EEF2: variants seen among roughly 807,000 people sequenced by gnomAD.
EEF2 encodes the protein eukaryotic translation elongation factor 2, also known as elongation factor 2.
Under a neutral mutation model 85.3 loss-of-function variants are expected in EEF2, and 21 were observed. The observed-to-expected ratio is 0.25, with a 90% CI of 0.17 to 0.35. EEF2 has a LOEUF of 0.35. EEF2 is among the 10% of genes least tolerant of loss of function. The pLI is 1.00. For synonymous variants in EEF2, 723 were observed against 508.8 expected (o/e 1.42, Z -5.67); for missense variants, 825 against 1,225.3 (o/e 0.67, Z 4.88).
rs192703161 is a variant in EEF2, at chr19:3,984,339, C to T, written c.15G>A (p.Thr5=). 25 of 1,614,064 alleles carry T rather than the reference C, an allele frequency of 1.5e-5. No homozygotes were observed. The Admixed American group carries it at 2.7e-4, about 17-fold the overall frequency. The change falls in exon 2 of 15, where the codon ACG becomes ACA. Residue 5 remains threonine (T), a synonymous_variant. Transcript: ENST00000309311. The part of the protein sequence containing the change: MVNF[T]VDQIRAIMDK... ...CCATGATGGCGCGGATCTGGTCTAC[C>T]GTGAAGTTCACCTGGGCAAGACAAG...
rs768079031 is a variant in EEF2, at chr19:3,984,363, A to C, written c.4-13T>G. The C allele has an allele frequency of 6.2e-7, 1 of 1,613,086 alleles. No individual in the cohort carries two copies. The highest frequency in any genetic ancestry group is 8.5e-7 in the Non-Finnish European group (1 of 1,179,136). On this transcript the variant is annotated splice_polypyrimidine_tract_variant and intron_variant, in intron 1 of 14. Transcript: ENST00000309311. The stretch of plus-strand genomic sequence containing the variant: ...CCGTGAAGTTCACCTGGGCAAGACA[A>C]GGAGGCTCAGACCAGCTCGTGATTT...
Position 3,985,396 on chromosome 19 carries a change from T to A in EEF2, c.-16A>T. The A allele has an allele frequency of 6.6e-7, 1 of 1,510,720 alleles. No homozygotes were observed. Among genetic ancestry groups the A allele is most frequent in the Non-Finnish European group, 8.9e-7 (1 of 1,126,474 alleles). 93.6% of individuals were successfully genotyped at this position (1,510,720 alleles called of 1,614,324 possible). A position where few individuals can be genotyped will look rare whatever the true frequency, so the allele number is the denominator to read the frequency against. The stretch of plus-strand genomic sequence containing the variant: ...TACTCACCATGGTGGCGGATGGCGG[T>A]GGATTCTCCCAGGTAGAACCGAAAG... On this transcript the variant is annotated 5_prime_UTR_variant, in exon 1 of 15. Transcript: ENST00000309311.
chr19:3,977,939 G>C lies in EEF2; in HGVS notation c.1947C>G (p.Ile649Met), dbSNP rs2039697652. 2 of 1,613,460 alleles carry C rather than the reference G, an allele frequency of 1.2e-6. No individual in the cohort carries two copies. Among genetic ancestry groups the C allele is most frequent in the African/African-American group, 1.3e-5 (1 of 74,936 alleles). The change falls in exon 12 of 15, where the codon ATC becomes ATG. Residue 649 changes from isoleucine (I) to methionine (M), a missense_variant. Physicochemically the swap from Ile to Met is conservative, Grantham distance 10 (BLOSUM62 1). Coordinates refer to ENST00000309311, the MANE Select transcript of EEF2 (RefSeq NM_001961.4). This position sits in a 1 kb window ranked among gnomAD's most constrained non-coding sequence, Gnocchi z 5.4. ...YEWDVAEARK[I>M]WCFGPDGTGP... Reference sequence around the variant, plus strand: ...CGGTGCCGTCGGGCCCAAAGCACCAGATCTTGCGGGCCTCAGCCACGTCCC... The same window carrying C: ...CGGTGCCGTCGGGCCCAAAGCACCACATCTTGCGGGCCTCAGCCACGTCCC...
chr19:3,978,695 C>G (rs985498625), intron 11 of EEF2, among the ~76,000 whole-genome samples: 1 of 147,616 alleles, frequency 6.8e-6, no homozygotes, highest in Non-Finnish European at 1.5e-5. Flanking sequence ...GTCCCAGCTA[C>G]AGGAGGCTGA....
chr19:3,983,452 C>T (rs930953874), intron 2 of EEF2, among the ~76,000 whole-genome samples, 161 bp from the exon 3 acceptor site: 8 of 152,068 alleles, frequency 5.3e-5, no homozygotes, highest in Admixed American at 4.6e-4. Flanking sequence ...CTGTCCGAGA[C>T]ATGCCACCCC....
At position 3,983,886 on chromosome 19, in the gene EEF2, A is replaced by G. The variant is rs1357686473; in HGVS notation, c.218+250T>C. 5.6e-6 allele frequency: 3 copies of G among 539,740 alleles called. No individual in the cohort carries two copies. In the East Asian group the frequency reaches 9.6e-5, roughly 17 times the overall value. The allele number at this position is 539,740 out of a possible 1,614,324, so 33.4% of individuals were successfully genotyped here. A position where few individuals can be genotyped will look rare whatever the true frequency, so the allele number is the denominator to read the frequency against. The stretch of plus-strand genomic sequence containing the variant: ...CTCCAGATATTGTAGGAGTGGGGGC[A>G]AGTCCCCCAGGGAGGGAGAACCACG... On this transcript the variant is annotated intron_variant, in intron 2 of 14. Transcript: ENST00000309311.
chr19:3,981,424 T>C lies in EEF2; in HGVS notation c.926A>G (p.Lys309Arg), dbSNP rs2039745383. The change falls in exon 7 of 15, where the codon AAA becomes AGA. Residue 309 changes from lysine to arginine, a missense_variant. Lys to Arg is a conservative substitution (Grantham distance 26). Transcript: ENST00000309311. ...KVFDAIMNFK[K>R]EETAKLIEKL... ...CTCTATCAGTTTTGCTGTCTCCTCT[T>C]TCTTGAAATTCATGATCGCATCAAA... The C allele has an allele frequency of 4.3e-6, 7 of 1,613,986 alleles. No homozygotes were observed. Among genetic ancestry groups the C allele is most frequent in the Non-Finnish European group, 5.9e-6 (7 of 1,180,020 alleles).
rs1251924431 is a variant in EEF2 at position 3,980,506 on chromosome 19, C to T, written c.1346+8G>A. On this transcript the variant is annotated splice_region_variant and intron_variant, in intron 9 of 14. Transcript: ENST00000309311. ...GCCAAGGGGCCTGCACATCACCCAG[C>T]TGCTCACCTCTGGATTGGCTTCAGG... The T allele has an allele frequency of 1.9e-6, 3 of 1,608,728 alleles. No homozygotes were observed. In the African/African-American group the frequency reaches 4.0e-5, roughly 22 times the overall value.
At position 3,982,795 on chromosome 19, in the gene EEF2, G is replaced by C. The variant is rs756944892; in HGVS notation, c.612+12C>G. 5 of 1,605,366 alleles carry C rather than the reference G, an allele frequency of 3.1e-6. No homozygotes were observed. In the Admixed American group the frequency reaches 8.4e-5, roughly 27 times the overall value. Reference sequence around the variant, plus strand: ...TGCGGCAAGCCCACCACCCAGCTAGGGAGGGCCGTACCATGATGTTGCCCA... The same window carrying C: ...TGCGGCAAGCCCACCACCCAGCTAGCGAGGGCCGTACCATGATGTTGCCCA... On this transcript the variant is annotated intron_variant, in intron 4 of 14. Transcript: ENST00000309311.
At position 3,977,402 on chromosome 19, in the gene EEF2, G is replaced by C. The variant is rs779977590; in HGVS notation, c.2250+26C>G. 12 of 1,589,206 alleles carry C rather than the reference G, an allele frequency of 7.6e-6. No homozygotes were observed. The Admixed American group carries it at 1.4e-4, about 19-fold the overall frequency. ...GGCCGCTGGGCAGGACGGTGGCAGG[G>C]TCAGCGGTGGGCGGGTAGACCTCAC... On this transcript the variant is annotated intron_variant, in intron 13 of 14. Transcript: ENST00000309311. This position sits in a 1 kb window ranked among gnomAD's most constrained non-coding sequence, Gnocchi z 5.4.
rs745877479 is a variant in EEF2 at position 3,977,290 on chromosome 19, C to G, written c.2308G>C (p.Val770Leu). Residue 770 changes from valine (V) to leucine (L), a missense_variant, in exon 14 of 15, where the codon GTG becomes CTG. Val to Leu is a conservative substitution (Grantham distance 32, BLOSUM62 1). Transcript: ENST00000309311. This position sits in a 1 kb window ranked among gnomAD's most constrained non-coding sequence, Gnocchi z 5.4. The part of the protein sequence containing the change: ...YGVLNRKRGH[V>L]FEESQVAGTP... Reference sequence around the variant, plus strand: ...CCGGCCACCTGGGACTCCTCGAACACGTGGCCCCGCTTCCTGTTCAAAACC... The same window carrying G: ...CCGGCCACCTGGGACTCCTCGAACAGGTGGCCCCGCTTCCTGTTCAAAACC... The G allele has an allele frequency of 6.2e-7, 1 of 1,608,504 alleles. No individual in the cohort carries two copies. The highest frequency in any genetic ancestry group is 1.3e-5 in the African/African-American group (1 of 74,908).
chr19:3,979,508 C>G (rs2039719216), intron 10 of EEF2, 72 bp from the exon 11 acceptor site: 2 of 1,356,798 alleles, frequency 1.5e-6, no homozygotes, highest in Non-Finnish European at 2.0e-6. Context: ...CCCAGCTTCC[C>G]TTTAGCTAGG....
intron 4 of EEF2, 54 bp downstream of exon 4, chr19:3,982,753 G>C (rs1386921846): frequency 6.4e-7 from 1 of 1,556,550 alleles, no homozygotes; most frequent in Non-Finnish European, 8.7e-7. Context: ...CTCCCCACCG[G>C]CTCCTGCAGA....
chr19:3,976,615 C>A lies in EEF2; in HGVS notation c.2516G>T (p.Arg839Leu). Residue 839 changes from arginine (R) to leucine (L), a missense_variant, in exon 15 of 15, where the codon CGC becomes CTC. Physicochemically the swap from Arg to Leu is moderately radical, Grantham distance 102. Transcript: ENST00000309311. Reference protein sequence around the residue: ...SRPSQVVAETRKRKGLKEGIP... With the variant: ...SRPSQVVAETLKRKGLKEGIP... ...GCCTTCTTTCAGGCCCTTGCGCTTGCGGGTCTCCGCCACCACCTGGCTGGG... is the reference window on the plus strand; with the variant it reads ...GCCTTCTTTCAGGCCCTTGCGCTTGAGGGTCTCCGCCACCACCTGGCTGGG... 1 of 1,610,472 alleles carries A rather than the reference C, an allele frequency of 6.2e-7. No homozygotes were observed.
Position 3,981,467 on chromosome 19 carries a change from A to G in EEF2, c.898-15T>C. 2 of 1,605,286 alleles carry G rather than the reference A, an allele frequency of 1.2e-6. No homozygotes were observed. The highest frequency in any genetic ancestry group is 3.4e-5 in the Admixed American group (2 of 59,508). On this transcript the variant is annotated splice_polypyrimidine_tract_variant and intron_variant, in intron 6 of 14. Coordinates refer to ENST00000309311, the MANE Select transcript of EEF2 (RefSeq NM_001961.4). ...GCATCAAACACCTACATTCCCCACC[A>G]AGAAACAAGAAAGCCCATTTGGGAA...
In EEF2 at chr19:3,981,445, T is replaced by G; in HGVS notation, c.905A>C (p.Asp302Ala). The part of the protein sequence containing the change: ...LILDPIFKVF[D>A]AIMNFKKEET... ...CTCTTTCTTGAAATTCATGATCGCA[T>G]CAAACACCTACATTCCCCACCAAGA... Residue 302 changes from aspartate to alanine, a missense_variant, in exon 7 of 15, where the codon GAT (aspartate) becomes GCT (alanine). Physicochemically the swap from Asp to Ala is moderately radical, Grantham distance 126. Transcript: ENST00000309311. The G allele has an allele frequency of 6.2e-7, 1 of 1,613,748 alleles. No homozygotes were observed.
At chr19:3,984,112 G>A in intron 2 of EEF2, 24 bp downstream of exon 2, 3 of 1,610,806 alleles carry the variant, frequency 1.9e-6, no homozygotes, top group Non-Finnish European at 2.5e-6. Context: ...CCCTGCCTGG[G>A]TACAGAGGGC....
intron 2 of EEF2, 126 bp downstream of exon 2, chr19:3,984,010 C>T (rs1229105634): frequency 1.0e-6 from 1 of 994,028 alleles, no homozygotes; most frequent in South Asian, 1.5e-5. Context: ...CACTCATTCT[C>T]CCATGAATTA....
At chr19:3,983,324 G>A (rs2039779082) in intron 2 of EEF2, 33 bp from the exon 3 acceptor site, 1 of 1,602,450 alleles carries the variant, frequency 6.2e-7, no homozygotes, top group Non-Finnish European at 8.5e-7. Flanking sequence ...AGGGGGACAG[G>A]AGCCACACAC....
Sources: gnomAD v4.1 joint callset for allele counts (sites outside exome capture counted in the v4.1 genomes callset) on GRCh38, gnomAD v4.1.1 for gene constraint, Gnocchi (gnomAD v3.1) non-coding constraint, MANE v1.5 for transcripts, NCBI Gene and HGNC (gene_info 2026-07-23, HGNC 2026-07-21) for gene names.